CYP7B1: variants seen among roughly 807,000 people sequenced by gnomAD.
CYP7B1 encodes the protein cytochrome P450 family 7 subfamily B member 1.
Under a neutral mutation model 42.7 loss-of-function variants are expected in CYP7B1, and 29 were observed. That is an observed-to-expected ratio of 0.68 (90% CI 0.51 to 0.93). The LOEUF is 0.93. Ranked by LOEUF, CYP7B1 falls within the 40% of genes least tolerant of loss-of-function variation. CYP7B1 has a pLI of 0.00. For missense variants in CYP7B1, 655 were observed against 600.5 expected (o/e 1.09, Z -0.95); for synonymous variants, 235 against 218.2 (o/e 1.08, Z -0.68).
intron 1 of CYP7B1, among the ~76,000 whole-genome samples, chr8:64,785,181 C>T (rs941012425): frequency 1.3e-5 from 2 of 152,078 alleles, no homozygotes; most frequent in Non-Finnish European, 2.9e-5. Context: ...ATTAGTATGG[C>T]TAAAATCCAA....
Position 64,615,181 on chromosome 8 carries a change from A to G in CYP7B1, c.902T>C (p.Met301Thr), listed in dbSNP as rs370002054. The G allele has an allele frequency of 3.1e-6, 5 of 1,613,564 alleles. No homozygotes were observed. Among genetic ancestry groups the G allele is most frequent in the East Asian group, 4.5e-5 (2 of 44,872 alleles). Residue 301 changes from methionine (M) to threonine (T), a missense_variant, in exon 4 of 6, where the codon ATG (methionine) becomes ACG (threonine). Coordinates refer to ENST00000310193, the MANE Select transcript of CYP7B1 (RefSeq NM_004820.5). The stretch of plus-strand genomic sequence containing the variant: ...CAGAAGATAATACATTGCCCAGAAC[A>G]TAGTTGGAATAGTGTTTGCCACAGA... ...WASVANTIPT[M>T]FWAMYYLLRH... is the part of the protein sequence containing the mutation.
chr8:64,625,876 A>T (rs907564681), intron 1 of CYP7B1, among the ~76,000 whole-genome samples: 1 of 151,896 alleles, frequency 6.6e-6, no homozygotes, highest in Non-Finnish European at 1.5e-5. Context: ...ATCTTAAAAA[A>T]CCTTCGATTA....
At chr8:64,666,886 T>C (rs969537776) in intron 1 of CYP7B1, among the ~76,000 whole-genome samples, 1 of 152,194 alleles carries the variant, frequency 6.6e-6, no homozygotes, top group African/African-American at 2.4e-5. Context: ...ACCTGAGAGT[T>C]TCATGTGAAA....
intron 1 of CYP7B1, among the ~76,000 whole-genome samples, chr8:64,708,449 G>GTTCTTTCCT (rs1807031414): frequency 6.6e-6 from 1 of 152,022 alleles, no homozygotes; most frequent in Non-Finnish European, 1.5e-5. Flanking sequence ...AATCCTTAAG[G>GTTCTTTCCT]AAAGAAGTCA....
At chr8:64,705,881 C>G (rs1204544778) in intron 1 of CYP7B1, among the ~76,000 whole-genome samples, 1 of 151,934 alleles carries the variant, frequency 6.6e-6, no homozygotes, top group Non-Finnish European at 1.5e-5. Context: ...TAGAAAGTAT[C>G]AAGATAATAC....
At chr8:64,782,608 T>C (rs1476940869) in intron 1 of CYP7B1, among the ~76,000 whole-genome samples, 1 of 152,218 alleles carries the variant, frequency 6.6e-6, no homozygotes, top group Non-Finnish European at 1.5e-5. Context: ...CTCTAAGATA[T>C]TCTTCTGATA....
intron 1 of CYP7B1, among the ~76,000 whole-genome samples, chr8:64,683,419 T>C (rs1806569601): frequency 6.6e-6 from 1 of 151,734 alleles, no homozygotes; most frequent in Non-Finnish European, 1.5e-5. Flanking sequence ...GCACAGAGAG[T>C]AGAGGGATGG....
intron 1 of CYP7B1, among the ~76,000 whole-genome samples, chr8:64,786,585 C>T (rs891318890): frequency 2.0e-5 from 3 of 152,202 alleles, no homozygotes; most frequent in African/African-American, 7.2e-5. Context: ...GGGTACAGCC[C>T]CCCTCCCAGT....
chr8:64,614,691 T>C (rs1805407870), intron 4 of CYP7B1, among the ~76,000 whole-genome samples: 1 of 152,192 alleles, frequency 6.6e-6, no homozygotes. Flanking sequence ...TAAATACTTC[T>C]TGACAAGATG....
intron 1 of CYP7B1, among the ~76,000 whole-genome samples, chr8:64,745,671 C>G (rs1807633165): frequency 6.6e-6 from 1 of 152,166 alleles, no homozygotes; most frequent in South Asian, 2.1e-4. Flanking sequence ...AGCCCTCTAG[C>G]TTCCAAGCCT....
chr8:64,626,962 C>A (rs535753890), intron 1 of CYP7B1, among the ~76,000 whole-genome samples: 22 of 152,080 alleles, frequency 1.4e-4, no homozygotes, highest in Non-Finnish European at 2.1e-4. Flanking sequence ...TTTTATTTTC[C>A]CACAATCCAA....
chr8:64,590,346 TTCA>T (rs1339961105), downstream of CYP7B1, among the ~76,000 whole-genome samples: 5 of 152,222 alleles, frequency 3.3e-5, no homozygotes, highest in African/African-American at 1.2e-4. Context: ...ACATTTCATT[TTCA>T]TCACCACCAT....
chr8:64,610,676 A>C (rs1005043862), intron 4 of CYP7B1, among the ~76,000 whole-genome samples: 26 of 152,140 alleles, frequency 1.7e-4, no homozygotes, highest in Non-Finnish European at 1.9e-4. Context: ...AATACCCACA[A>C]GATTCTAATG....
intron 1 of CYP7B1, among the ~76,000 whole-genome samples, chr8:64,762,888 G>A (rs1283617041): frequency 6.6e-6 from 1 of 152,186 alleles, no homozygotes; most frequent in Non-Finnish European, 1.5e-5. Flanking sequence ...CTAATCAGTA[G>A]ATAAATAGGT....
At chr8:64,614,500 CTT>C (rs980301546) in intron 4 of CYP7B1, among the ~76,000 whole-genome samples, 1 of 151,954 alleles carries the variant, frequency 6.6e-6, no homozygotes, top group African/African-American at 2.4e-5. Context: ...TTTTTTCCCT[CTT>C]TTCCTTTTTT....
chr8:64,724,792 G>C (rs958390669), intron 1 of CYP7B1, among the ~76,000 whole-genome samples: 11 of 152,154 alleles, frequency 7.2e-5, no homozygotes, highest in African/African-American at 2.7e-4. Flanking sequence ...CTGCCCTCCT[G>C]TTTCTCTTCC....
chr8:64,618,588 C>CTCTCTCTT (rs1206651563), intron 2 of CYP7B1, among the ~76,000 whole-genome samples: 1 of 150,924 alleles, frequency 6.6e-6, no homozygotes, highest in Non-Finnish European at 1.5e-5. Flanking sequence ...CTCTCTCTCT[C>CTCTCTCTT]TTTCTCTCTC....
At chr8:64,768,628 C>T (rs1383968269) in intron 1 of CYP7B1, among the ~76,000 whole-genome samples, 2 of 152,168 alleles carry the variant, frequency 1.3e-5, no homozygotes, top group African/African-American at 4.8e-5. Flanking sequence ...CACTTAACAT[C>T]TTCTGTCTCA....
At chr8:64,789,496 T>G (rs1046146700) in intron 1 of CYP7B1, among the ~76,000 whole-genome samples, 1 of 152,202 alleles carries the variant, frequency 6.6e-6, no homozygotes, top group African/African-American at 2.4e-5. Flanking sequence ...GGAATTTCCC[T>G]CTAACTACAA....
Sources: allele counts gnomAD v4.1 joint callset (sites outside exome capture counted in the v4.1 genomes callset), GRCh38; gene constraint gnomAD v4.1.1; transcripts MANE v1.5; gene names NCBI Gene and HGNC (gene_info 2026-07-23, HGNC 2026-07-21).